Variants in CNTN5 observed in about 807,000 individuals in gnomAD.
The protein encoded by CNTN5 is contactin-5.
A neutral mutation model predicts 129.1 loss-of-function variants in CNTN5; 77 were observed. The observed-to-expected ratio is 0.60, with a 90% CI of 0.50 to 0.72. The LOEUF (loss-of-function observed/expected upper bound fraction) is 0.72, where lower values mean the gene tolerates loss of function less well. Among genes scored for constraint, CNTN5 ranks in the 30% least tolerant of loss-of-function variants. CNTN5 has a pLI of 0.00. For missense variants in CNTN5, 1,478 were observed against 1,328.8 expected (o/e 1.11, Z -1.75); for synonymous variants, 509 against 465.6 (o/e 1.09, Z -1.20).
chr11:100,026,071 T>C (rs1178661565), intron 9 of CNTN5, among the ~76,000 whole-genome samples: 1 of 152,168 alleles, frequency 6.6e-6, no homozygotes, highest in Admixed American at 6.5e-5. Context: ...CCAAATCTCC[T>C]CTTTAATTGT....
At chr11:99,446,404 T>C (rs545595387) in intron 2 of CNTN5, among the ~76,000 whole-genome samples, 5 of 152,224 alleles carry the variant, frequency 3.3e-5, no homozygotes, top group African/African-American at 7.2e-5. Context: ...CATTTATATT[T>C]TCACTTGGTT....
chr11:99,770,285 T>C (rs541565339), intron 3 of CNTN5, among the ~76,000 whole-genome samples: 1 of 152,114 alleles, frequency 6.6e-6, no homozygotes, highest in Non-Finnish European at 1.5e-5. Flanking sequence ...AAGTCAAAAC[T>C]ATACAAAGGT....
At position 99,845,008 on chromosome 11, in the gene CNTN5, C is replaced by T. The variant is rs372717764; in HGVS notation, c.401+33C>T. 23 of 1,609,698 alleles carry T rather than the reference C, an allele frequency of 1.4e-5. No homozygotes were observed. The African/African-American group carries it at 2.9e-4, about 21-fold the overall frequency. On this transcript the variant is annotated intron_variant, in intron 5 of 24. Transcript: ENST00000524871. Reference sequence around the variant, plus strand: ...TTCACTGTTAATCATTTTTCTTAAGCCTTAAAAACTTTCCATCAATGATAT... The same window carrying T: ...TTCACTGTTAATCATTTTTCTTAAGTCTTAAAAACTTTCCATCAATGATAT...
At chr11:100,184,001 T>C (rs907740229) in intron 13 of CNTN5, among the ~76,000 whole-genome samples, 1 of 152,034 alleles carries the variant, frequency 6.6e-6, no homozygotes, top group African/African-American at 2.4e-5. Context: ...CAAATGCAAG[T>C]CCCCCTGCTT....
chr11:99,220,819 A>G (rs922115992), intron 1 of CNTN5, among the ~76,000 whole-genome samples: 1 of 151,924 alleles, frequency 6.6e-6, no homozygotes, highest in South Asian at 2.1e-4. Flanking sequence ...GACGCAATAC[A>G]AAAGTATAAA....
intron 1 of CNTN5, among the ~76,000 whole-genome samples, chr11:99,205,997 G>T (rs1371989043): frequency 6.6e-6 from 1 of 152,072 alleles, no homozygotes; most frequent in African/African-American, 2.4e-5. Flanking sequence ...TTAGTGCTCT[G>T]TGAGGGCAAA....
intron 18 of CNTN5, among the ~76,000 whole-genome samples, chr11:100,297,417 C>T (rs1951120056): frequency 6.6e-6 from 1 of 151,336 alleles, no homozygotes; most frequent in African/African-American, 2.4e-5. Flanking sequence ...TTTCAAGAGG[C>T]ATGGTGCAAT....
rs181606562 is a variant in CNTN5 at position 99,888,244 on chromosome 11, G to C, written c.578-27810G>C. Among the ~76,000 whole-genome samples the C allele has an allele frequency of 4.6e-5, 7 of 152,242 alleles. No individual in the cohort carries two copies. In the East Asian group the frequency reaches 1.4e-3, roughly 29 times the overall value. ...TCTTCTATTTTCCTGAATTGCTAAG[G>C]AGAAGGGATGTACAGCCACAGTGCA... On this transcript the variant is annotated intron_variant, in intron 6 of 24. Coordinates refer to ENST00000524871, the MANE Select transcript of CNTN5 (RefSeq NM_014361.4).
intron 13 of CNTN5, among the ~76,000 whole-genome samples, chr11:100,124,012 T>C (rs1946105864): frequency 6.6e-6 from 1 of 152,064 alleles, no homozygotes; most frequent in Non-Finnish European, 1.5e-5. Context: ...ACCAAAAAGT[T>C]CTTGTTCTTC....
chr11:99,044,387 A>G (rs1209294494), intron 1 of CNTN5, among the ~76,000 whole-genome samples: 2 of 152,170 alleles, frequency 1.3e-5, no homozygotes, highest in Non-Finnish European at 2.9e-5. Context: ...AGCTGGCTCC[A>G]GGTCCCTGTC....
At chr11:100,289,407 C>G (rs1950893719) in intron 18 of CNTN5, among the ~76,000 whole-genome samples, 1 of 150,970 alleles carries the variant, frequency 6.6e-6, no homozygotes, top group African/African-American at 2.4e-5. Context: ...AAAGCTTATC[C>G]ACCATGATCA....
chr11:99,895,159 A>G (rs567260270), intron 6 of CNTN5, among the ~76,000 whole-genome samples: 77 of 152,328 alleles, frequency 5.1e-4, no homozygotes, highest in African/African-American at 1.6e-3. Context: ...GCTGCTCCCC[A>G]TCAGTTCAGT....
intron 6 of CNTN5, among the ~76,000 whole-genome samples, chr11:99,896,580 A>G (rs766886483): frequency 6.6e-6 from 1 of 152,124 alleles, no homozygotes; most frequent in South Asian, 2.1e-4. Context: ...CCCCTGCCTG[A>G]TCCCTACAAT....
At chr11:99,387,861 G>T in intron 2 of CNTN5, among the ~76,000 whole-genome samples, 1 of 152,220 alleles carries the variant, frequency 6.6e-6, no homozygotes, top group South Asian at 2.1e-4. Flanking sequence ...AACCTTGGCT[G>T]CACATTGGAA....
At chr11:99,143,101 G>T (rs1270969173) in intron 1 of CNTN5, among the ~76,000 whole-genome samples, 1 of 151,830 alleles carries the variant, frequency 6.6e-6, no homozygotes, top group Non-Finnish European at 1.5e-5. Context: ...TTCTGGTTGT[G>T]TCTACTTGGC....
At chr11:100,133,512 A>G (rs1248226740) in intron 13 of CNTN5, among the ~76,000 whole-genome samples, 1 of 152,160 alleles carries the variant, frequency 6.6e-6, no homozygotes, top group Non-Finnish European at 1.5e-5. Flanking sequence ...CTAGCAACAC[A>G]GCTACAAAGA....
At chr11:99,266,740 A>C (rs1286806346) in intron 1 of CNTN5, among the ~76,000 whole-genome samples, 1 of 152,092 alleles carries the variant, frequency 6.6e-6, no homozygotes, top group African/African-American at 2.4e-5. Context: ...ATTTTTTATA[A>C]GGGACTTGAG....
intron 1 of CNTN5, among the ~76,000 whole-genome samples, chr11:99,316,938 T>C (rs1865368217): frequency 6.6e-6 from 1 of 152,064 alleles, no homozygotes; most frequent in Non-Finnish European, 1.5e-5. Flanking sequence ...TTCCTGACAT[T>C]TGTACCTCGA....
intron 6 of CNTN5, among the ~76,000 whole-genome samples, chr11:99,847,410 A>C (rs1295059372): frequency 6.6e-6 from 1 of 152,218 alleles, no homozygotes; most frequent in East Asian, 1.9e-4. Flanking sequence ...GCTGTCTTCA[A>C]CTTGATTTAG....
Sources: allele counts gnomAD v4.1 joint callset (sites outside exome capture counted in the v4.1 genomes callset), GRCh38; gene constraint gnomAD v4.1.1; transcripts MANE v1.5; gene names NCBI Gene and HGNC (gene_info 2026-07-23, HGNC 2026-07-21).